GALNT2: variants seen among roughly 807,000 people sequenced by gnomAD.
GALNT2 encodes the protein UDP-GalNAc:polypeptide N-acetylgalactosaminyltransferase 2.
Under a neutral mutation model 81.4 loss-of-function variants are expected in GALNT2, and 31 were observed. The ratio of observed to expected loss-of-function variants is 0.38; its 90% CI spans 0.29 to 0.51. The LOEUF is 0.51. GALNT2 is among the 20% of genes least tolerant of loss of function. The pLI, the probability that GALNT2 is intolerant of heterozygous loss-of-function variation, is 0.87. For synonymous variants in GALNT2, 303 were observed against 287.4 expected, an observed-to-expected ratio of 1.05 and a Z score of -0.55; for missense variants, 629 against 765.7, an observed-to-expected ratio of 0.82 and a Z score of 2.11.
chr1:230,225,792 C>G (rs1664692326), intron 3 of GALNT2, among the ~76,000 whole-genome samples: 1 of 151,346 alleles, frequency 6.6e-6, no homozygotes, highest in African/African-American at 2.4e-5. Flanking sequence ...AACTGTTTCA[C>G]TAATAACACC....
At chr1:230,272,244 A>G (rs1666176548) in intron 14 of GALNT2, among the ~76,000 whole-genome samples, 1 of 149,762 alleles carries the variant, frequency 6.7e-6, no homozygotes, top group African/African-American at 2.4e-5. Flanking sequence ...CCCATGTTGA[A>G]TGACAGCATC....
chr1:230,167,208 C>T lies in GALNT2; in HGVS notation c.127-11010C>T, dbSNP rs373137655. ...TTGCCCAGGCTGGAGTGCGATGATG[C>T]GATCCTGGCTCACTGCAGCCTCAAA... On this transcript the variant is annotated intron_variant, in intron 1 of 15. Transcript: ENST00000366672. 1.4e-4 allele frequency among the ~76,000 whole-genome samples: 22 copies of T among 151,842 alleles called. No individual in the cohort carries two copies. The East Asian group carries it at 3.9e-3, about 27-fold the overall frequency.
At chr1:230,167,858 C>T (rs1662661667) in intron 1 of GALNT2, among the ~76,000 whole-genome samples, 1 of 152,008 alleles carries the variant, frequency 6.6e-6, no homozygotes, top group Non-Finnish European at 1.5e-5. Flanking sequence ...CTTCACCTCT[C>T]TCCTCCCACC....
intron 3 of GALNT2, among the ~76,000 whole-genome samples, chr1:230,206,264 T>C (rs1405526763): frequency 1.3e-5 from 2 of 152,170 alleles, no homozygotes; most frequent in African/African-American, 4.8e-5. Flanking sequence ...TCCCCAAAAC[T>C]ATATGTACGT....
intron 13 of GALNT2, chr1:230,263,463 A>G (rs761708687): frequency 3.3e-4 from 53 of 159,914 alleles, no homozygotes; most frequent in Non-Finnish European, 5.5e-4. Context: ...GTGGGCCAGC[A>G]GATAACAGCC....
chr1:230,168,573 A>C (rs1162738077), intron 1 of GALNT2, among the ~76,000 whole-genome samples: 1 of 152,218 alleles, frequency 6.6e-6, no homozygotes, highest in Admixed American at 6.5e-5. Context: ...TTCCATTAAA[A>C]ATGAACAGGC....
chr1:230,094,748 A>G (rs898780246), intron 1 of GALNT2, among the ~76,000 whole-genome samples: 14 of 152,202 alleles, frequency 9.2e-5, no homozygotes, highest in Admixed American at 3.3e-4. Context: ...AGAGCCAGAC[A>G]GTTTGGGGAA....
intron 15 of GALNT2, among the ~76,000 whole-genome samples, chr1:230,278,762 C>A (rs140207356): frequency 8.0e-4 from 122 of 152,302 alleles, no homozygotes; most frequent in African/African-American, 2.8e-3. Flanking sequence ...TTCAAACAAC[C>A]ATCTCTCTTC....
chr1:230,069,261 GT>G lies in GALNT2; in HGVS notation c.126+1864del, dbSNP rs955836661. Among the ~76,000 whole-genome samples, 19 of 144,256 alleles carry G rather than the reference GT, an allele frequency of 1.3e-4. No homozygotes were observed. In the East Asian group the frequency reaches 2.0e-3, roughly 15 times the overall value. 94.6% of individuals were successfully genotyped at this position (144,256 alleles called of 152,430 possible). A position where few individuals can be genotyped will look rare whatever the true frequency, so the allele number is the denominator to read the frequency against. ...TCCTGAAGTGTGTGATTCTTAGTTT[GT>G]TTTTTTTTGTTTTGTTTTGTTTTGT... is the stretch of plus-strand genomic sequence containing the variant. On this transcript the variant is annotated intron_variant, in intron 1 of 15. Transcript: ENST00000366672.
chr1:230,156,734 G>T (rs1195983927), intron 1 of GALNT2, among the ~76,000 whole-genome samples: 1 of 151,942 alleles, frequency 6.6e-6, no homozygotes, highest in Non-Finnish European at 1.5e-5. Flanking sequence ...GTTGGTGGTG[G>T]TTTTTTTTAA....
intron 10 of GALNT2, among the ~76,000 whole-genome samples, chr1:230,251,067 C>A (rs771503235): frequency 4.6e-5 from 7 of 152,170 alleles, no homozygotes; most frequent in Non-Finnish European, 1.0e-4. Flanking sequence ...TTTTTAAATA[C>A]CCCATGCAAA....
intron 2 of GALNT2, among the ~76,000 whole-genome samples, chr1:230,180,022 C>T (rs604769): frequency 0.4 from 61,329 of 152,062 alleles, 13,148 homozygotes; most frequent in East Asian, 0.7. Flanking sequence ...CAGGTTCAAG[C>T]GATTCTCCTG....
intron 1 of GALNT2, among the ~76,000 whole-genome samples, chr1:230,144,246 G>A (rs1371094330): frequency 6.6e-6 from 1 of 152,170 alleles, no homozygotes; most frequent in Non-Finnish European, 1.5e-5. Flanking sequence ...GCTATTTAGT[G>A]TCCAGACCTG....
At chr1:230,159,272 T>C (rs144651702) in intron 1 of GALNT2, among the ~76,000 whole-genome samples, 64 of 152,340 alleles carry the variant, frequency 4.2e-4, no homozygotes, top group Non-Finnish European at 7.8e-4. Context: ...CAATCACATT[T>C]AATGCCCATG....
At chr1:230,110,463 C>T (rs1242632737) in intron 1 of GALNT2, among the ~76,000 whole-genome samples, 4 of 152,156 alleles carry the variant, frequency 2.6e-5, no homozygotes, top group African/African-American at 9.7e-5. Context: ...GGGGTTGGGT[C>T]CTAGTGCTGT....
intron 3 of GALNT2, among the ~76,000 whole-genome samples, chr1:230,211,779 T>C (rs4846932): frequency 0.1 from 15,882 of 152,010 alleles, 893 homozygotes; most frequent in Middle Eastern, 0.16. Flanking sequence ...TCTCTAAAAA[T>C]AAAAAATTTT....
At chr1:230,262,527 G>A (rs765608457) in intron 11 of GALNT2, 46 bp from the exon 12 acceptor site, 2 of 1,531,674 alleles carry the variant, frequency 1.3e-6, no homozygotes, top group Non-Finnish European at 9.0e-7. Flanking sequence ...GAGTGATGCA[G>A]ACAGAAAGAA....
chr1:230,061,303 T>A (rs1659041060), intron 1 of GALNT2, among the ~76,000 whole-genome samples: 1 of 151,994 alleles, frequency 6.6e-6, no homozygotes. Flanking sequence ...CCTTCTTCCA[T>A]CCCATTCTGT....
intron 1 of GALNT2, among the ~76,000 whole-genome samples, chr1:230,091,212 G>A (rs1040885560): frequency 2.0e-4 from 31 of 151,628 alleles, no homozygotes; most frequent in Non-Finnish European, 4.1e-4. Flanking sequence ...GGGATTACAG[G>A]TGTGTGTCAC....
Sources: gnomAD v4.1 joint callset for allele counts (sites outside exome capture counted in the v4.1 genomes callset) on GRCh38, gnomAD v4.1.1 for gene constraint, MANE v1.5 for transcripts, NCBI Gene and HGNC (gene_info 2026-07-23, HGNC 2026-07-21) for gene names.